NLRP6: variants seen among roughly 807,000 people sequenced by gnomAD.
NLRP6 encodes the protein NACHT, LRR and PYD domains-containing protein 6.
NLRP6 carries 55 observed loss-of-function variants against 70.9 expected under a neutral mutation model. The ratio of observed to expected loss-of-function variants is 0.78; its 90% CI spans 0.62 to 0.97. The LOEUF is 0.97. NLRP6 is among the 50% of genes least tolerant of loss of function. The probability of loss-of-function intolerance (pLI) is 0.00; values close to 1 mark genes in which losing one functional copy is unlikely to be tolerated. For missense variants in NLRP6, 1,241 were observed against 1,238.3 expected (o/e 1.00, Z -0.03); for synonymous variants, 652 against 581.9 (o/e 1.12, Z -1.73).
At position 285,362 on chromosome 11, in the gene NLRP6, G is replaced by C; in HGVS notation, c.*58G>C. ...TAGTCAAAGTCCCTGTGGAGAGAAC[G>C]GCCCATTCCAAGGGCAGGAGGATAT... On this transcript the variant is annotated 3_prime_UTR_variant, in exon 8 of 8. Transcript: ENST00000534750. 6.4e-7 allele frequency: 1 copy of C among 1,562,064 alleles called. No homozygotes were observed. The highest frequency in any genetic ancestry group is 8.7e-7 in the Non-Finnish European group (1 of 1,145,514).
intron 1 of NLRP6, 138 bp from the exon 2 acceptor site, chr11:279,189 A>C: frequency 1.5e-5 from 11 of 729,856 alleles, no homozygotes; most frequent in Non-Finnish European, 2.1e-5. Flanking sequence ...CCCTCCCGCC[A>C]CCCCATGGAT....
rs138549024 is a variant in NLRP6 at position 284,254 on chromosome 11, C to G, written c.2223C>G (p.Asp741Glu). 6.2e-7 allele frequency: 1 copy of G among 1,613,238 alleles called. No homozygotes were observed. Among genetic ancestry groups the G allele is most frequent in the Non-Finnish European group, 8.5e-7 (1 of 1,179,970 alleles). Residue 741 changes from aspartate (D) to glutamate (E), a missense_variant, in exon 6 of 8, where the codon GAC becomes GAG. Physicochemically the swap from Asp to Glu is conservative, Grantham distance 45 (BLOSUM62 2). Transcript: ENST00000534750. ...GGCTGTCCCACTGCAAACTCCCTGA[C>G]GCGGTCTGCCGAGACCTTTCTGAGG... ...SLTLSHCKLPDAVCRDLSEAL... is the reference protein window; with the variant it reads ...SLTLSHCKLPEAVCRDLSEAL...
Position 280,854 on chromosome 11 carries a change from T to C in NLRP6, c.1120T>C (p.Phe374Leu). 2 of 1,613,410 alleles carry C rather than the reference T, an allele frequency of 1.2e-6. No individual in the cohort carries two copies. Among genetic ancestry groups the C allele is most frequent in the Non-Finnish European group, 8.5e-7 (1 of 1,179,972 alleles). The change falls in exon 4 of 8, where the codon TTC becomes CTC. Residue 374 changes from phenylalanine to leucine, a missense_variant. By Grantham distance (22) the Phe-to-Leu change is conservative. Transcript: ENST00000534750. The part of the protein sequence containing the change: ...DERRAERAYR[F>L]VKENETLFAL... Reference sequence around the variant, plus strand: ...GAGGAGGGCCGAGCGCGCCTACCGCTTCGTGAAGGAGAACGAGACGCTGTT... The same window carrying C: ...GAGGAGGGCCGAGCGCGCCTACCGCCTCGTGAAGGAGAACGAGACGCTGTT...
Position 280,379 on chromosome 11 carries a change from C to G in NLRP6, c.645C>G (p.Ile215Met), listed in dbSNP as rs1230943862. The G allele has an allele frequency of 6.4e-7, 1 of 1,552,392 alleles. No individual in the cohort carries two copies. The highest frequency in any genetic ancestry group is 1.9e-5 in the Admixed American group (1 of 53,772). ...GIGKTMAAKK[I>M]LYDWAAGKLY... The stretch of plus-strand genomic sequence containing the variant: ...GCAAGACCATGGCGGCCAAAAAGAT[C>G]CTGTACGACTGGGCGGCGGGCAAGC... The change falls in exon 4 of 8, where the codon ATC becomes ATG. Residue 215 changes from isoleucine to methionine, a missense_variant. Physicochemically the swap from Ile to Met is conservative, Grantham distance 10. Transcript: ENST00000534750.
At position 285,388 on chromosome 11, in the gene NLRP6, T is replaced by C; in HGVS notation, c.*84T>C. 1 of 1,445,358 alleles carries C rather than the reference T, an allele frequency of 6.9e-7. No homozygotes were observed. The highest frequency in any genetic ancestry group is 9.4e-7 in the Non-Finnish European group (1 of 1,058,426). 89.5% of individuals were successfully genotyped at this position (1,445,358 alleles called of 1,614,324 possible). ...GCCCATTCCAAGGGCAGGAGGATAT[T>C]GCTCTCGGCCTTTGGGAAACTTTTG... is the stretch of plus-strand genomic sequence containing the variant. On this transcript the variant is annotated 3_prime_UTR_variant, in exon 8 of 8. Coordinates refer to ENST00000534750, the MANE Select transcript of NLRP6 (RefSeq NM_001276700.2).
rs756060460 is a variant in NLRP6 at position 285,316 on chromosome 11, C to T, written c.*12C>T. 30 of 1,605,534 alleles carry T rather than the reference C, an allele frequency of 1.9e-5. No individual in the cohort carries two copies. Among genetic ancestry groups the T allele is most frequent in the Admixed American group, 1.9e-4 (11 of 59,316 alleles). ...TCTCGACCTTCTGAGGCTCTGGTGG[C>T]CAGAGCAGGGTGGAAGACCCTAGTC... On this transcript the variant is annotated 3_prime_UTR_variant, in exon 8 of 8. Coordinates refer to ENST00000534750, the MANE Select transcript of NLRP6 (RefSeq NM_001276700.2).
rs769393670 is a variant in NLRP6 at position 281,107 on chromosome 11, C to T, written c.1373C>T (p.Ala458Val). ...LAREGVLGRR[A>V]QFAEKELEQL... is the part of the protein sequence containing the mutation. ...CGCGAGGGCGTCCTCGGACGCAGGG[C>T]GCAGTTTGCCGAGAAGGAACTGGAG... Residue 458 changes from alanine (A) to valine (V), a missense_variant, in exon 4 of 8, where the codon GCG becomes GTG. Physicochemically the swap from Ala to Val is moderately conservative, Grantham distance 64. Coordinates refer to ENST00000534750, the MANE Select transcript of NLRP6 (RefSeq NM_001276700.2). 4 of 1,612,700 alleles carry T rather than the reference C, an allele frequency of 2.5e-6. No individual in the cohort carries two copies. In the Admixed American group the frequency reaches 6.7e-5, roughly 27 times the overall value.
Position 278,552 on chromosome 11 carries a change from C to G in NLRP6, c.-18C>G. 1.9e-6 allele frequency: 3 copies of G among 1,583,044 alleles called. No individual in the cohort carries two copies. Among genetic ancestry groups the G allele is most frequent in the Non-Finnish European group, 2.6e-6 (3 of 1,165,540 alleles). On this transcript the variant is annotated 5_prime_UTR_variant, in exon 1 of 8. Transcript: ENST00000534750. The surrounding 1 kb of genome is among the most constrained non-coding windows in gnomAD (Gnocchi z 4.7). ...CACCTCTGCCCCGGAGTGCTAGACC[C>G]AGGGAGGAAGAGACCCCATGGACCA...
rs1845463051 is a variant in NLRP6, at chr11:280,833, A to AG, written c.1102dup (p.Ala368GlyfsTer357). The AG allele has an allele frequency of 3.7e-6, 6 of 1,613,150 alleles. No homozygotes were observed. Among genetic ancestry groups the AG allele is most frequent in the Non-Finnish European group, 5.1e-6 (6 of 1,179,922 alleles). On this transcript the variant is annotated frameshift_variant, in exon 4 of 8. Coordinates refer to ENST00000534750, the MANE Select transcript of NLRP6 (RefSeq NM_001276700.2). LOFTEE classifies it high-confidence loss of function. ...CTACAAGTATTTCCGGGATGAGAGG[A>AG]GGGCCGAGCGCGCCTACCGCTTCGT...
chr11:279,469 C>T lies in NLRP6; in HGVS notation c.172C>T (p.Arg58Cys). Residue 58 changes from arginine to cysteine, a missense_variant, in exon 2 of 8, where the codon CGC becomes TGC. By Grantham distance (180) the Arg-to-Cys change is radical (BLOSUM62 -3). Coordinates refer to ENST00000534750, the MANE Select transcript of NLRP6 (RefSeq NM_001276700.2). ...GRSIPWGRLE[R>C]ADAVDLAEQL... The stretch of plus-strand genomic sequence containing the variant: ...CAGCATCCCGTGGGGGCGGCTGGAG[C>T]GCGCGGACGCCGTGGACCTCGCGGA... The T allele has an allele frequency of 1.4e-6, 2 of 1,418,360 alleles. No individual in the cohort carries two copies. Among genetic ancestry groups the T allele is most frequent in the Non-Finnish European group, 9.2e-7 (1 of 1,087,702 alleles). The allele number at this position is 1,418,360 out of a possible 1,614,324, so 87.9% of individuals were successfully genotyped here.
At chr11:284,774 C>A in intron 7 of NLRP6, 132 bp downstream of exon 7, 1 of 870,334 alleles carries the variant, frequency 1.1e-6, no homozygotes. Context: ...TGAGCTCAAA[C>A]ACTGACCTGG....
chr11:278,578 G>A lies in NLRP6; in HGVS notation c.9G>A (p.Gln3=). The A allele has an allele frequency of 6.3e-7, 1 of 1,590,598 alleles. No individual in the cohort carries two copies. The change falls in exon 1 of 8, where the codon CAG becomes CAA. Residue 3 remains glutamine, a synonymous_variant. Coordinates refer to ENST00000534750, the MANE Select transcript of NLRP6 (RefSeq NM_001276700.2). This position sits in a 1 kb window ranked among gnomAD's most constrained non-coding sequence, Gnocchi z 4.7. ...AGGGAGGAAGAGACCCCATGGACCA[G>A]CCAGAGGCCCCCTGCTCCAGGTGAG... is the stretch of plus-strand genomic sequence containing the variant. MD[Q]PEAPCSSTGP... is the part of the protein sequence containing the mutation.
chr11:279,410 G>A lies in NLRP6; in HGVS notation c.113G>A (p.Arg38His). The A allele has an allele frequency of 2.2e-6, 3 of 1,361,192 alleles. No homozygotes were observed. Among genetic ancestry groups the A allele is most frequent in the South Asian group, 1.7e-5 (1 of 58,698 alleles). The allele number at this position is 1,361,192 out of a possible 1,614,324, so 84.3% of individuals were successfully genotyped here. A position where few individuals can be genotyped will look rare whatever the true frequency, so the allele number is the denominator to read the frequency against. Residue 38 changes from arginine to histidine, a missense_variant, in exon 2 of 8, where the codon CGC becomes CAC. By Grantham distance (29) the Arg-to-His change is conservative. Transcript: ENST00000534750. ...ELSQEQLKRF[R>H]HKLRDVGPDG... ...AGCCAAGAGCAGCTGAAGCGCTTCC[G>A]CCACAAGCTGCGCGACGTGGGCCCG...
chr11:280,852 G>A lies in NLRP6; in HGVS notation c.1118G>A (p.Arg373His), dbSNP rs1590269025. Reference protein sequence around the residue: ...RDERRAERAYRFVKENETLFA... With the variant: ...RDERRAERAYHFVKENETLFA... ...GAGAGGAGGGCCGAGCGCGCCTACC[G>A]CTTCGTGAAGGAGAACGAGACGCTG... Residue 373 changes from arginine (R) to histidine (H), a missense_variant, in exon 4 of 8, where the codon CGC (arginine) becomes CAC (histidine). Arg to His is a conservative substitution (Grantham distance 29). Coordinates refer to ENST00000534750, the MANE Select transcript of NLRP6 (RefSeq NM_001276700.2). 1 of 1,613,394 alleles carries A rather than the reference G, an allele frequency of 6.2e-7. No homozygotes were observed. Among genetic ancestry groups the A allele is most frequent in the Non-Finnish European group, 8.5e-7 (1 of 1,179,980 alleles).
intron 7 of NLRP6, 54 bp from the exon 8 acceptor site, chr11:285,112 C>A (rs1310013050): frequency 6.5e-6 from 10 of 1,541,964 alleles, no homozygotes; most frequent in Admixed American, 1.9e-5. Context: ...GCCCCCAAGC[C>A]CTGGCTGCTT....
chr11:282,933 G>A (rs1227174919), intron 5 of NLRP6, 136 bp downstream of exon 5: 3 of 703,074 alleles, frequency 4.3e-6, no homozygotes, highest in Non-Finnish European at 7.7e-6. Context: ...GCTGGAGATG[G>A]CAGGCTCTGC....
intron 2 of NLRP6, 66 bp downstream of exon 2, chr11:279,673 C>A: frequency 7.3e-7 from 1 of 1,362,906 alleles, no homozygotes; most frequent in Non-Finnish European, 9.4e-7. Context: ...TCCCGCTTCC[C>A]GGAGAAGCCC....
In NLRP6 at chr11:281,146, G is replaced by C; in HGVS notation, c.1412G>C (p.Arg471Pro). Reference sequence around the variant, plus strand: ...AAGGAACTGGAGCAACTGGAGCTTCGTGGCTCCAAAGTGCAGACGCTGTTT... The same window carrying C: ...AAGGAACTGGAGCAACTGGAGCTTCCTGGCTCCAAAGTGCAGACGCTGTTT... ...AEKELEQLEL[R>P]GSKVQTLFLS... The change falls in exon 4 of 8, where the codon CGT becomes CCT. Residue 471 changes from arginine to proline, a missense_variant. Arg to Pro is a moderately radical substitution (Grantham distance 103). Coordinates refer to ENST00000534750, the MANE Select transcript of NLRP6 (RefSeq NM_001276700.2). 1 of 1,613,050 alleles carries C rather than the reference G, an allele frequency of 6.2e-7. No homozygotes were observed. The highest frequency in any genetic ancestry group is 1.1e-5 in the South Asian group (1 of 91,092).
chr11:282,876 T>A, intron 5 of NLRP6, 79 bp downstream of exon 5: 1 of 1,069,442 alleles, frequency 9.4e-7, no homozygotes, highest in Non-Finnish European at 1.4e-6. Flanking sequence ...AAGTATGACC[T>A]AGGAAAGAAG....
Sources: allele counts gnomAD v4.1 joint callset, GRCh38; gene constraint gnomAD v4.1.1; non-coding constraint Gnocchi (gnomAD v3.1); transcripts MANE v1.5; gene names NCBI Gene and HGNC (gene_info 2026-07-23, HGNC 2026-07-21).